The following IMPG1 variants were observed in gnomAD, a reference collection of about 807,000 sequenced individuals.
The protein encoded by IMPG1 is interphotoreceptor matrix proteoglycan 1, also known as interphotoreceptor matrix proteoglycan of 150 kDa.
In IMPG1, 85 loss-of-function variants were observed where a neutral mutation model predicts 92.0. The ratio of observed to expected loss-of-function variants is 0.92; its 90% CI spans 0.78 to 1.11. The LOEUF is 1.11. Among genes scored for constraint, IMPG1 ranks in the 50% least tolerant of loss-of-function variants. The probability of loss-of-function intolerance (pLI) is 0.00; values close to 1 mark genes in which losing one functional copy is unlikely to be tolerated. For synonymous variants in IMPG1, 367 were observed against 334.1 expected (o/e 1.10, Z -1.08); for missense variants, 1,022 against 956.0 (o/e 1.07, Z -0.91).
chr6:76,051,968 A>AT (rs1282035192), intron 1 of IMPG1, among the ~76,000 whole-genome samples: 2 of 151,894 alleles, frequency 1.3e-5, no homozygotes, highest in Admixed American at 6.6e-5. Flanking sequence ...GCCCTACCTC[A>AT]TTGCACACAC....
rs78346120 is a variant in IMPG1 at position 75,929,385 on chromosome 6, T to C, written c.2243+1568A>G. ...GGTCATGTGGGTTTCTTCTATGAATTGCACCTCTGTATTTTTTGCTCATTT... is the reference window on the plus strand; with the variant it reads ...GGTCATGTGGGTTTCTTCTATGAATCGCACCTCTGTATTTTTTGCTCATTT... On this transcript the variant is annotated intron_variant, in intron 15 of 16. Transcript: ENST00000369950. Among the ~76,000 whole-genome samples, 1,252 of 152,212 alleles carry C rather than the reference T, an allele frequency of 8.2e-3. 18 individuals are homozygous for C. The highest frequency in any genetic ancestry group is 0.028 in the African/African-American group (1,156 of 41,514).
intron 1 of IMPG1, among the ~76,000 whole-genome samples, chr6:76,043,795 TG>T (rs1783886730): frequency 6.6e-6 from 1 of 152,152 alleles, no homozygotes; most frequent in African/African-American, 2.4e-5. Context: ...CTGGTGGAAA[TG>T]GAGGTCTGGC....
chr6:76,049,785 T>C (rs1275359045), intron 1 of IMPG1, among the ~76,000 whole-genome samples: 1 of 152,086 alleles, frequency 6.6e-6, no homozygotes, highest in Non-Finnish European at 1.5e-5. Flanking sequence ...ACCTGGCAGG[T>C]AGAAAGTATT....
chr6:76,022,995 A>C (rs76643474), intron 5 of IMPG1, among the ~76,000 whole-genome samples: 1 of 152,138 alleles, frequency 6.6e-6, no homozygotes, highest in Non-Finnish European at 1.5e-5. Context: ...AAAATGATTC[A>C]ATCTTTCCTT....
rs1338210376 is a variant in IMPG1, at chr6:76,051,565, G to C, written c.68-9439C>G. ...ATGATGCAAAAGAAGATCATAGAAA[G>C]TAAGGAAACTTGTAGTTATTTCTTT... is the stretch of plus-strand genomic sequence containing the variant. On this transcript the variant is annotated intron_variant, in intron 1 of 16. Coordinates refer to ENST00000369950, the MANE Select transcript of IMPG1 (RefSeq NM_001563.4). Among the ~76,000 whole-genome samples the C allele has an allele frequency of 2.0e-5, 3 of 152,212 alleles. No homozygotes were observed. In the East Asian group the frequency reaches 5.8e-4, roughly 29 times the overall value.
chr6:75,974,188 T>G (rs1221781918), intron 12 of IMPG1, among the ~76,000 whole-genome samples: 1 of 152,200 alleles, frequency 6.6e-6, no homozygotes, highest in Non-Finnish European at 1.5e-5. Flanking sequence ...AATTTTTTAC[T>G]CTATAAAAGG....
intron 7 of IMPG1, among the ~76,000 whole-genome samples, chr6:76,016,723 T>C (rs1437392392): frequency 6.6e-6 from 1 of 152,210 alleles, no homozygotes; most frequent in South Asian, 2.1e-4. Flanking sequence ...GTTGTCCACA[T>C]TGTAGTTCTT....
At chr6:75,985,860 A>C (rs750312164) in intron 12 of IMPG1, among the ~76,000 whole-genome samples, 5 of 152,202 alleles carry the variant, frequency 3.3e-5, no homozygotes, top group African/African-American at 1.2e-4. Context: ...AGAAAAAGTT[A>C]ATAAAAGTGC....
intron 12 of IMPG1, among the ~76,000 whole-genome samples, chr6:75,985,296 G>A (rs1398909895): frequency 1.3e-5 from 2 of 152,166 alleles, no homozygotes; most frequent in Non-Finnish European, 2.9e-5. Flanking sequence ...ACTTTAAAAT[G>A]CTGCCCCTGG....
chr6:75,974,295 C>CTTTCT (rs536046430), intron 12 of IMPG1, among the ~76,000 whole-genome samples: 5 of 150,058 alleles, frequency 3.3e-5, no homozygotes, highest in South Asian at 2.1e-4. Flanking sequence ...CTTTCTTTCT[C>CTTTCT]TTTCTTTTCT....
chr6:76,003,794 T>C, intron 11 of IMPG1, 80 bp downstream of exon 11: 1 of 1,086,496 alleles, frequency 9.2e-7, no homozygotes, highest in Non-Finnish European at 1.4e-6. Flanking sequence ...GCTCTGTTCA[T>C]TTCTTAAGCT....
intron 12 of IMPG1, among the ~76,000 whole-genome samples, chr6:75,964,873 A>G (rs1318398268): frequency 1.3e-5 from 2 of 152,018 alleles, no homozygotes; most frequent in Non-Finnish European, 2.9e-5. Flanking sequence ...CTACTCTCCC[A>G]CCCATACCCT....
At chr6:75,975,918 A>G (rs1237557276) in intron 12 of IMPG1, among the ~76,000 whole-genome samples, 1 of 152,222 alleles carries the variant, frequency 6.6e-6, no homozygotes, top group Non-Finnish European at 1.5e-5. Flanking sequence ...AATTAAATAT[A>G]ATTTTCATAT....
Position 76,025,267 on chromosome 6 carries a change from A to T in IMPG1, c.498-9T>A, listed in dbSNP as rs1287914921. On this transcript the variant is annotated splice_polypyrimidine_tract_variant and intron_variant, in intron 4 of 16. Coordinates refer to ENST00000369950, the MANE Select transcript of IMPG1 (RefSeq NM_001563.4). Reference sequence around the variant, plus strand: ...CAGATATTTCATCTTTTCTATTAGTACAATAGAAAAGAAGGAAGAGGTGGT... The same window carrying T: ...CAGATATTTCATCTTTTCTATTAGTTCAATAGAAAAGAAGGAAGAGGTGGT... 2.6e-6 allele frequency: 4 copies of T among 1,522,174 alleles called. No individual in the cohort carries two copies. The highest frequency in any genetic ancestry group is 3.6e-6 in the Non-Finnish European group (4 of 1,103,670). 94.3% of individuals were successfully genotyped at this position (1,522,174 alleles called of 1,614,324 possible).
chr6:75,979,871 C>A (rs1051518101), intron 12 of IMPG1, among the ~76,000 whole-genome samples: 3 of 152,142 alleles, frequency 2.0e-5, no homozygotes, highest in African/African-American at 7.2e-5. Flanking sequence ...CCCTGTTAAA[C>A]CACAGGCCTT....
intron 7 of IMPG1, among the ~76,000 whole-genome samples, chr6:76,017,719 A>G (rs1187198481): frequency 6.6e-6 from 1 of 152,050 alleles, no homozygotes; most frequent in Admixed American, 6.6e-5. Context: ...AGATTTTAAA[A>G]CCTACTAATT....
chr6:76,013,686 T>C (rs2149480651), intron 7 of IMPG1, among the ~76,000 whole-genome samples: 1 of 152,298 alleles, frequency 6.6e-6, no homozygotes, highest in East Asian at 1.9e-4. Context: ...ATCTAGCAGA[T>C]TGTCATACAC....
chr6:75,930,872 A>G (rs577580469), intron 15 of IMPG1, 81 bp downstream of exon 15: 13 of 1,261,122 alleles, frequency 1.0e-5, no homozygotes, highest in Middle Eastern at 2.5e-4. Flanking sequence ...AAAGGACCAT[A>G]TGAATTTACT....
intron 1 of IMPG1, among the ~76,000 whole-genome samples, chr6:76,045,226 T>C (rs997310425): frequency 1.3e-5 from 2 of 152,194 alleles, no homozygotes; most frequent in African/African-American, 4.8e-5. Context: ...CTACAAATGG[T>C]TGTTTCTTTC....
Sources: gnomAD v4.1 joint callset for allele counts (sites outside exome capture counted in the v4.1 genomes callset) on GRCh38, gnomAD v4.1.1 for gene constraint, MANE v1.5 for transcripts, NCBI Gene and HGNC (gene_info 2026-07-23, HGNC 2026-07-21) for gene names.